Variants in EP400 observed in about 807,000 individuals in gnomAD.
EP400 encodes the protein E1A-binding protein p400.
Under a neutral mutation model 354.1 loss-of-function variants are expected in EP400, and 105 were observed. The ratio of observed to expected loss-of-function variants is 0.30; its 90% CI spans 0.25 to 0.35. EP400 has a LOEUF of 0.35. Among genes scored for constraint, EP400 ranks in the 10% least tolerant of loss-of-function variants. The pLI, the probability that EP400 is intolerant of heterozygous loss-of-function variation, is 1.00. For synonymous variants in EP400, 1,646 were observed against 1,716.9 expected (o/e 0.96, Z 1.02); for missense variants, 3,280 against 4,121.0 (o/e 0.80, Z 5.59).
rs369546928 is a variant in EP400, at chr12:132,017,652, C to A, written c.4041C>A (p.Tyr1347Ter). The A allele has an allele frequency of 1.2e-6, 2 of 1,601,534 alleles. No homozygotes were observed. Among genetic ancestry groups the A allele is most frequent in the South Asian group, 1.1e-5 (1 of 89,910 alleles). ...LVEPRHPGSS[Y>*]VAGPLEYPSA... ...AGCCCCGGCACCCAGGCTCTTCCTA[C>A]GTGGCGGGGCCACTGGAGTATCCGT... Residue 1347 changes from tyrosine (Y) to a stop codon, truncating the protein, a stop_gained, in exon 20 of 53, where the codon TAC becomes TAA. Coordinates refer to ENST00000389561, the MANE Select transcript of EP400 (RefSeq NM_015409.5). LOFTEE classifies it high-confidence loss of function. This position sits in a 1 kb window ranked among gnomAD's most constrained non-coding sequence, Gnocchi z 5.0.
chr12:132,065,039 C>T (rs1000466832), intron 48 of EP400, 153 bp downstream of exon 48: 67 of 1,339,182 alleles, frequency 5.0e-5, no homozygotes, highest in East Asian at 7.6e-5. Flanking sequence ...GGACAGAGGA[C>T]GGGACTCACC....
intron 10 of EP400, 134 bp downstream of exon 10, chr12:131,991,590 T>TG: frequency 1.2e-6 from 1 of 860,374 alleles, no homozygotes. Context: ...TTTTTTTTTT[T>TG]TTGTTTTAGA....
intron 51 of EP400, 178 bp from the exon 52 acceptor site, chr12:132,076,338 T>C: frequency 1.5e-6 from 1 of 659,612 alleles, no homozygotes; most frequent in East Asian, 3.0e-5. Flanking sequence ...TGACTCACCA[T>C]GCAGTGGAAC....
chr12:131,962,221 A>G (rs1383270266), intron 2 of EP400, among the ~76,000 whole-genome samples: 1 of 152,174 alleles, frequency 6.6e-6, no homozygotes, highest in Non-Finnish European at 1.5e-5. Context: ...CAGTGTTTTC[A>G]TTGAGCACCA....
At chr12:131,954,509 G>A (rs1737768760) in intron 1 of EP400, among the ~76,000 whole-genome samples, 1 of 152,150 alleles carries the variant, frequency 6.6e-6, no homozygotes, top group Admixed American at 6.6e-5. Context: ...TGGATCACTT[G>A]AGGTTAGGAG....
At chr12:131,977,857 G>C (rs1473945601) in intron 2 of EP400, among the ~76,000 whole-genome samples, 1 of 152,168 alleles carries the variant, frequency 6.6e-6, no homozygotes, top group Non-Finnish European at 1.5e-5. Flanking sequence ...TGGCATGGCT[G>C]GTGGTGGCTG....
In EP400 at chr12:131,987,702, C is replaced by T. The variant is rs1018422974; in HGVS notation, c.2224-3C>T. ...CCCACCATCCCCCATGTATCATCTA[C>T]AGGAGAACCAGGTGCATCAGCGCAT... On this transcript the variant is annotated splice_polypyrimidine_tract_variant and splice_region_variant and intron_variant, in intron 6 of 52. Coordinates refer to ENST00000389561, the MANE Select transcript of EP400 (RefSeq NM_015409.5). The T allele has an allele frequency of 3.1e-6, 5 of 1,598,196 alleles. No individual in the cohort carries two copies. The Admixed American group carries it at 5.1e-5, about 16-fold the overall frequency.
chr12:131,972,951 C>T (rs538818554), intron 2 of EP400, among the ~76,000 whole-genome samples: 25 of 152,096 alleles, frequency 1.6e-4, no homozygotes, highest in Middle Eastern at 3.4e-3. Context: ...AGGCTGGTCT[C>T]GAACTCCTGA....
At chr12:132,055,063 C>T in intron 44 of EP400, 36 bp from the exon 45 acceptor site, 2 of 1,613,888 alleles carry the variant, frequency 1.2e-6, no homozygotes, top group Non-Finnish European at 1.7e-6. Flanking sequence ...CCCATTTCTC[C>T]TGGCGCTGTT....
In EP400 at chr12:131,994,858, C is replaced by A. The variant is rs747282946; in HGVS notation, c.2738-9C>A. ...GCCTCTCAGTGACACTTGCTGATAACCATTTTAGTGGACGATGAAGAGGAA... is the reference window on the plus strand; with the variant it reads ...GCCTCTCAGTGACACTTGCTGATAAACATTTTAGTGGACGATGAAGAGGAA... On this transcript the variant is annotated splice_polypyrimidine_tract_variant and intron_variant, in intron 11 of 52. Transcript: ENST00000389561. The surrounding 1 kb of genome is among the most constrained non-coding windows in gnomAD (Gnocchi z 4.6). 1 of 1,613,516 alleles carries A rather than the reference C, an allele frequency of 6.2e-7. No homozygotes were observed. The highest frequency in any genetic ancestry group is 8.5e-7 in the Non-Finnish European group (1 of 1,179,674).
intron 3 of EP400, 35 bp from the exon 4 acceptor site, chr12:131,981,454 A>G: frequency 6.7e-7 from 1 of 1,494,358 alleles, no homozygotes; most frequent in South Asian, 1.2e-5. Context: ...TTTTATTTTT[A>G]CATCAAACTG....
At chr12:132,006,983 T>A (rs1205305595) in intron 15 of EP400, 106 bp downstream of exon 15, 1 of 1,266,948 alleles carries the variant, frequency 7.9e-7, no homozygotes, top group East Asian at 2.4e-5. Flanking sequence ...TCTACTTCTT[T>A]GCTCCTATCT....
At chr12:131,978,886 T>G (rs1345035984) in intron 2 of EP400, among the ~76,000 whole-genome samples, 1 of 152,168 alleles carries the variant, frequency 6.6e-6, no homozygotes, top group African/African-American at 2.4e-5. Flanking sequence ...CATATTTATA[T>G]CTCATGTAGG....
At chr12:132,007,509 C>T (rs1006999784) in intron 15 of EP400, among the ~76,000 whole-genome samples, 2 of 151,986 alleles carry the variant, frequency 1.3e-5, no homozygotes, top group African/African-American at 2.4e-5. Flanking sequence ...TTAGAGTCAG[C>T]TCCTTGTTCA....
intron 13 of EP400, 131 bp from the exon 14 acceptor site, chr12:132,005,981 A>G: frequency 2.4e-6 from 2 of 847,308 alleles, no homozygotes; most frequent in East Asian, 2.7e-5. Context: ...TGGATTACAA[A>G]TAAAAAATTA....
chr12:132,016,353 CCTG>C (rs913254738), intron 19 of EP400, among the ~76,000 whole-genome samples: 1 of 152,092 alleles, frequency 6.6e-6, no homozygotes, highest in Non-Finnish European at 1.5e-5. Flanking sequence ...GTGGAGCCCT[CCTG>C]CTTTTTTTTT....
intron 12 of EP400, among the ~76,000 whole-genome samples, chr12:132,002,195 A>G (rs59696304): frequency 1.1e-4 from 17 of 152,302 alleles, no homozygotes; most frequent in African/African-American, 3.8e-4. Flanking sequence ...CTATGTCTCT[A>G]AATTGGAGTG....
At chr12:131,973,764 C>T (rs972544441) in intron 2 of EP400, among the ~76,000 whole-genome samples, 2 of 152,258 alleles carry the variant, frequency 1.3e-5, no homozygotes, top group Non-Finnish European at 2.9e-5. Context: ...CTCAGCATTG[C>T]GTGTATTTCT....
At chr12:132,055,067 C>T (rs774754898) in intron 44 of EP400, 32 bp from the exon 45 acceptor site, 26 of 1,613,574 alleles carry the variant, frequency 1.6e-5, no homozygotes, top group Admixed American at 1.0e-4. Context: ...TTTCTCCTGG[C>T]GCTGTTGCCT....
Sources: gnomAD v4.1 joint callset for allele counts (sites outside exome capture counted in the v4.1 genomes callset) on GRCh38, gnomAD v4.1.1 for gene constraint, Gnocchi (gnomAD v3.1) non-coding constraint, MANE v1.5 for transcripts, NCBI Gene and HGNC (gene_info 2026-07-23, HGNC 2026-07-21) for gene names.